Variants in PAG1 observed in about 807,000 individuals in gnomAD.
PAG1 encodes phosphoprotein membrane anchor with glycosphingolipid microdomains 1, also known as phosphoprotein associated with glycosphingolipid-enriched microdomains 1.
A neutral mutation model predicts 31.7 loss-of-function variants in PAG1; 23 were observed. That is an observed-to-expected ratio of 0.73 (90% CI 0.52 to 1.03). The LOEUF is 1.03. Ranked by LOEUF, PAG1 falls within the 50% of genes least tolerant of loss-of-function variation. PAG1 has a pLI of 0.00. For missense variants in PAG1, 473 were observed against 540.7 expected (o/e 0.87, Z 1.24); for synonymous variants, 214 against 210.3 (o/e 1.02, Z -0.15).
intron 1 of PAG1, among the ~76,000 whole-genome samples, chr8:81,097,812 G>A (rs1809551969): frequency 6.6e-6 from 1 of 152,098 alleles, no homozygotes; most frequent in Admixed American, 6.6e-5. Flanking sequence ...CACTCCCATG[G>A]GTAGACCTTA....
intron 1 of PAG1, among the ~76,000 whole-genome samples, chr8:81,100,951 G>A (rs1399883340): frequency 6.6e-6 from 1 of 152,168 alleles, no homozygotes; most frequent in East Asian, 1.9e-4. Flanking sequence ...CCAGCGCTGC[G>A]CTGTTCATTA....
intron 3 of PAG1, among the ~76,000 whole-genome samples, chr8:81,011,304 T>C (rs1028952091): frequency 4.3e-4 from 66 of 152,298 alleles, no homozygotes; most frequent in African/African-American, 1.5e-3. Context: ...GATAACTGAA[T>C]CATGGGAGTG....
chr8:81,111,364 C>T (rs1396902064), intron 1 of PAG1, among the ~76,000 whole-genome samples: 2 of 152,190 alleles, frequency 1.3e-5, no homozygotes, highest in African/African-American at 4.8e-5. Context: ...GAGTACCTGT[C>T]CTCTCCCAGC....
At chr8:81,025,445 A>C (rs1178570363) in intron 3 of PAG1, among the ~76,000 whole-genome samples, 1 of 152,126 alleles carries the variant, frequency 6.6e-6, no homozygotes, top group Non-Finnish European at 1.5e-5. Flanking sequence ...CACTTTGGGA[A>C]GTTCTGTGTT....
chr8:81,030,343 C>T (rs991765265), intron 2 of PAG1, among the ~76,000 whole-genome samples: 7 of 152,156 alleles, frequency 4.6e-5, no homozygotes, highest in African/African-American at 1.7e-4. Flanking sequence ...ATAAAAAAGC[C>T]ACGTAAGTGT....
chr8:81,038,267 G>C (rs1808495102), intron 2 of PAG1, among the ~76,000 whole-genome samples: 1 of 152,156 alleles, frequency 6.6e-6, no homozygotes, highest in Non-Finnish European at 1.5e-5. Context: ...GTATGTGTTT[G>C]AGATGCCAAA....
chr8:81,088,048 AT>A (rs947402374), intron 1 of PAG1, among the ~76,000 whole-genome samples: 2 of 152,104 alleles, frequency 1.3e-5, no homozygotes, highest in African/African-American at 4.8e-5. Flanking sequence ...TAATTACCTC[AT>A]TTTTTTCCCC....
intron 1 of PAG1, among the ~76,000 whole-genome samples, chr8:81,104,560 T>G (rs1490074111): frequency 1.3e-5 from 2 of 152,180 alleles, no homozygotes; most frequent in Non-Finnish European, 2.9e-5. Context: ...AATGTCCCTC[T>G]GGTGCCTCAC....
intron 3 of PAG1, among the ~76,000 whole-genome samples, chr8:80,997,530 C>T (rs1257701435): frequency 6.6e-6 from 1 of 152,202 alleles, no homozygotes; most frequent in South Asian, 2.1e-4. Context: ...GCTGGAGTTA[C>T]AGGCATGAGC....
At chr8:80,987,794 G>A (rs916209706) in intron 5 of PAG1, among the ~76,000 whole-genome samples, 2 of 152,264 alleles carry the variant, frequency 1.3e-5, no homozygotes, top group Admixed American at 1.3e-4. Flanking sequence ...TGAAAGTTAT[G>A]TGAATGTGCT....
At chr8:81,012,417 A>G (rs1808001016) in intron 3 of PAG1, among the ~76,000 whole-genome samples, 1 of 152,206 alleles carries the variant, frequency 6.6e-6, no homozygotes, top group Middle Eastern at 3.2e-3. Flanking sequence ...GCCATTCAGC[A>G]TAGAAAAGTA....
At chr8:81,043,607 G>A (rs1027049290) in intron 2 of PAG1, among the ~76,000 whole-genome samples, 4 of 152,098 alleles carry the variant, frequency 2.6e-5, no homozygotes, top group East Asian at 1.9e-4. Context: ...CTGTGCCAAC[G>A]GATATTTAGA....
At chr8:80,997,039 C>A (rs575493805) in intron 3 of PAG1, among the ~76,000 whole-genome samples, 7 of 151,948 alleles carry the variant, frequency 4.6e-5, no homozygotes, top group Non-Finnish European at 8.8e-5. Context: ...CCACCCAAGG[C>A]AGTGCTGTCC....
intron 4 of PAG1, among the ~76,000 whole-genome samples, chr8:80,992,578 G>A (rs1481200028): frequency 6.6e-6 from 1 of 152,196 alleles, no homozygotes. Flanking sequence ...AGAGAGAGAA[G>A]TATAACTCTA....
chr8:80,988,801 AG>A (rs1807478619), intron 5 of PAG1, among the ~76,000 whole-genome samples: 1 of 152,364 alleles, frequency 6.6e-6, no homozygotes, highest in Admixed American at 6.5e-5. Context: ...TTTGGAGGGA[AG>A]AATGGCATCA....
At chr8:81,087,636 A>C (rs1244995011) in intron 1 of PAG1, among the ~76,000 whole-genome samples, 2 of 152,244 alleles carry the variant, frequency 1.3e-5, no homozygotes, top group Non-Finnish European at 2.9e-5. Context: ...TAATCTCAAT[A>C]ATAACTGAGT....
At chr8:81,019,514 C>T (rs1808126518) in intron 3 of PAG1, among the ~76,000 whole-genome samples, 1 of 152,210 alleles carries the variant, frequency 6.6e-6, no homozygotes, top group South Asian at 2.1e-4. Context: ...CTAAAAGGGG[C>T]CAACATACAG....
intron 1 of PAG1, among the ~76,000 whole-genome samples, chr8:81,088,452 G>A (rs1057469714): frequency 6.6e-6 from 1 of 152,054 alleles, no homozygotes; most frequent in African/African-American, 2.4e-5. Context: ...TTAGGGTTAC[G>A]GCTGGGGTTA....
At chr8:81,007,073 C>T (rs1416155928) in intron 3 of PAG1, among the ~76,000 whole-genome samples, 2 of 152,098 alleles carry the variant, frequency 1.3e-5, no homozygotes, top group African/African-American at 2.4e-5. Flanking sequence ...CTCTATGCTA[C>T]GTTTTCACTC....
Sources: allele counts gnomAD v4.1 joint callset (sites outside exome capture counted in the v4.1 genomes callset), GRCh38; gene constraint gnomAD v4.1.1; transcripts MANE v1.5; gene names NCBI Gene and HGNC (gene_info 2026-07-23, HGNC 2026-07-21).